RIMS4: variants seen among roughly 807,000 people sequenced by gnomAD.
The protein encoded by RIMS4 is regulating synaptic membrane exocytosis protein 4.
A neutral mutation model predicts 29.0 loss-of-function variants in RIMS4; 9 were observed. That is an observed-to-expected ratio of 0.31 (90% CI 0.19 to 0.54). The LOEUF is 0.54. Among genes scored for constraint, RIMS4 ranks in the 20% least tolerant of loss-of-function variants. RIMS4 has a pLI of 0.94. For synonymous variants in RIMS4, 130 were observed against 152.9 expected (o/e 0.85, Z 1.10); for missense variants, 193 against 365.7 (o/e 0.53, Z 3.85).
At chr20:44,777,573 A>G (rs2066165569) in intron 1 of RIMS4, among the ~76,000 whole-genome samples, 1 of 152,188 alleles carries the variant, frequency 6.6e-6, no homozygotes, top group African/African-American at 2.4e-5. Context: ...GTTATACCAG[A>G]TAAGACAGAG....
intron 1 of RIMS4, among the ~76,000 whole-genome samples, chr20:44,801,874 A>G (rs1006973463): frequency 6.6e-6 from 1 of 152,146 alleles, no homozygotes; most frequent in Admixed American, 6.5e-5. Flanking sequence ...AGACATCAGG[A>G]GCCAGGAGAT....
rs867901196 is a variant in RIMS4 at position 44,810,528 on chromosome 20, T to C, written c.-257A>G. Among the ~76,000 whole-genome samples the C allele has an allele frequency of 2.7e-4, 36 of 133,278 alleles. No individual in the cohort carries two copies. The highest frequency in any genetic ancestry group is 1.8e-3 in the South Asian group (8 of 4,352). 87.4% of individuals were successfully genotyped at this position (133,278 alleles called of 152,430 possible). On this transcript the variant is annotated 5_prime_UTR_variant, in exon 1 of 6. Transcript: ENST00000372851. Reference sequence around the variant, plus strand: ...GCGGCGGCGGCGGTGGCGGCGGCGGTGGCGGCGCAGCGCGCTCTGGTCCGC... The same window carrying C: ...GCGGCGGCGGCGGTGGCGGCGGCGGCGGCGGCGCAGCGCGCTCTGGTCCGC...
In RIMS4 at chr20:44,756,837, C is replaced by T; in HGVS notation, c.591+61G>A. Reference sequence around the variant, plus strand: ...CCGCCAGGGGTGCCCTCCTCTCATTCTGGTACTGTGCATGTGTGCTCGTGC... The same window carrying T: ...CCGCCAGGGGTGCCCTCCTCTCATTTTGGTACTGTGCATGTGTGCTCGTGC... On this transcript the variant is annotated intron_variant, in intron 5 of 5. Coordinates refer to ENST00000372851, the MANE Select transcript of RIMS4 (RefSeq NM_182970.4). The surrounding 1 kb of genome is among the most constrained non-coding windows in gnomAD (Gnocchi z 5.9). 6.4e-7 allele frequency: 1 copy of T among 1,555,756 alleles called. No individual in the cohort carries two copies. The highest frequency in any genetic ancestry group is 8.7e-7 in the Non-Finnish European group (1 of 1,146,360).
At chr20:44,795,886 T>C (rs571787251) in intron 1 of RIMS4, among the ~76,000 whole-genome samples, 132 of 152,254 alleles carry the variant, frequency 8.7e-4, no homozygotes, top group Non-Finnish European at 1.7e-3. Flanking sequence ...GATATGCCCA[T>C]TGTAGAAAAT....
At chr20:44,788,394 T>TG (rs768054031) in intron 1 of RIMS4, among the ~76,000 whole-genome samples, 46 of 152,330 alleles carry the variant, frequency 3.0e-4, no homozygotes, top group African/African-American at 1.1e-3. Flanking sequence ...GGCTAGAACT[T>TG]GGTCTCTTGA....
At chr20:44,757,862 C>A in intron 3 of RIMS4, 91 bp from the exon 4 acceptor site, 1 of 1,185,766 alleles carries the variant, frequency 8.4e-7, no homozygotes, top group Non-Finnish European at 1.2e-6. Context: ...GCTGAAACCC[C>A]CTTCCCCTGC....
At chr20:44,803,748 C>T (rs2066286675) in intron 1 of RIMS4, among the ~76,000 whole-genome samples, 1 of 152,212 alleles carries the variant, frequency 6.6e-6, no homozygotes, top group South Asian at 2.1e-4. Flanking sequence ...CAGCACTGGC[C>T]TACATCAGTC....
At chr20:44,769,640 C>A (rs1219331035) in intron 2 of RIMS4, among the ~76,000 whole-genome samples, 4 of 152,244 alleles carry the variant, frequency 2.6e-5, no homozygotes, top group Non-Finnish European at 4.4e-5. Flanking sequence ...TCCTCCTCCT[C>A]CTCTCCCTTC....
intron 1 of RIMS4, among the ~76,000 whole-genome samples, chr20:44,781,013 A>C (rs2066182107): frequency 6.6e-6 from 1 of 152,246 alleles, no homozygotes; most frequent in African/African-American, 2.4e-5. Flanking sequence ...TCACTTATCC[A>C]ACAAAATATA....
intron 3 of RIMS4, 114 bp downstream of exon 3, chr20:44,757,958 C>A: frequency 1.0e-6 from 1 of 962,292 alleles, no homozygotes; most frequent in South Asian, 1.5e-5. Context: ...GGGCTCTAGG[C>A]GGCATGCGCA....
rs1338267872 is a variant in RIMS4, at chr20:44,753,865, C to T, written c.*2269G>A. On this transcript the variant is annotated 3_prime_UTR_variant, in exon 6 of 6. Coordinates refer to ENST00000372851, the MANE Select transcript of RIMS4 (RefSeq NM_182970.4). The stretch of plus-strand genomic sequence containing the variant: ...TCATTGAGGGGGCCCTCACTGACCA[C>T]CCCCAGGTGTTGTTATTGCTTCGGA... 2.0e-5 allele frequency: 3 copies of T among 152,668 alleles called. No homozygotes were observed. The allele number at this position is 152,668 out of a possible 1,614,324, so 9.5% of individuals were successfully genotyped here. A position where few individuals can be genotyped will look rare whatever the true frequency, so the allele number is the denominator to read the frequency against.
chr20:44,755,255 C>A lies in RIMS4; in HGVS notation c.*879G>T, dbSNP rs908329150. 2 of 152,378 alleles carry A rather than the reference C, an allele frequency of 1.3e-5. No homozygotes were observed. The highest frequency in any genetic ancestry group is 1.3e-4 in the Admixed American group (2 of 15,276). 9.4% of individuals were successfully genotyped at this position (152,378 alleles called of 1,614,324 possible). ...AATTTGAGAAACCCTTATCTTGGCA[C>A]CACCAGTCCCAATCCCAACTTTCCT... On this transcript the variant is annotated 3_prime_UTR_variant, in exon 6 of 6. Transcript: ENST00000372851.
At chr20:44,783,019 C>T (rs1473167589) in intron 1 of RIMS4, among the ~76,000 whole-genome samples, 1 of 152,178 alleles carries the variant, frequency 6.6e-6, no homozygotes, top group Non-Finnish European at 1.5e-5. Flanking sequence ...GATACAGGCA[C>T]TCAGTAAATT....
At chr20:44,780,737 C>T (rs116522407) in intron 1 of RIMS4, among the ~76,000 whole-genome samples, 123 of 151,658 alleles carry the variant, frequency 8.1e-4, no homozygotes, top group African/African-American at 3.0e-3. Flanking sequence ...GGCCAGAGTG[C>T]AATTTTTGCC....
intron 2 of RIMS4, among the ~76,000 whole-genome samples, chr20:44,759,420 G>A (rs2066074723): frequency 6.6e-6 from 1 of 152,058 alleles, no homozygotes; most frequent in African/African-American, 2.4e-5. Flanking sequence ...ACCACGCCCG[G>A]CCAATTTTTG....
intron 4 of RIMS4, 152 bp downstream of exon 4, chr20:44,757,518 C>A: frequency 1.5e-6 from 1 of 652,556 alleles, no homozygotes; most frequent in South Asian, 1.8e-5. Context: ...TTCAAACAAA[C>A]CCTAAACTAC....
Position 44,810,169 on chromosome 20 carries a change from G to T in RIMS4, c.97+6C>A. 3 of 1,577,124 alleles carry T rather than the reference G, an allele frequency of 1.9e-6. No homozygotes were observed. Among genetic ancestry groups the T allele is most frequent in the Non-Finnish European group, 8.6e-7 (1 of 1,157,542 alleles). On this transcript the variant is annotated splice_donor_region_variant and intron_variant, in intron 1 of 5. Coordinates refer to ENST00000372851, the MANE Select transcript of RIMS4 (RefSeq NM_182970.4). ...CGGGGGTCTGGGGGGCGGGCCGCGC[G>T]CTTACCTGCGTCCTCGTCGTCGAAG...
At chr20:44,805,884 G>A (rs1437446988) in intron 1 of RIMS4, among the ~76,000 whole-genome samples, 3 of 152,024 alleles carry the variant, frequency 2.0e-5, no homozygotes, top group Non-Finnish European at 4.4e-5. Context: ...TATGGGTATC[G>A]CCGCCTCATC....
At chr20:44,783,537 T>A (rs1346617550) in intron 1 of RIMS4, among the ~76,000 whole-genome samples, 1 of 151,844 alleles carries the variant, frequency 6.6e-6, no homozygotes, top group Non-Finnish European at 1.5e-5. Context: ...GGCAGGAGAA[T>A]CACTTGAACC....
Sources: gnomAD v4.1 joint callset for allele counts (sites outside exome capture counted in the v4.1 genomes callset) on GRCh38, gnomAD v4.1.1 for gene constraint, Gnocchi (gnomAD v3.1) non-coding constraint, MANE v1.5 for transcripts, NCBI Gene and HGNC (gene_info 2026-07-23, HGNC 2026-07-21) for gene names.